PARD6G: variants seen among roughly 807,000 people sequenced by gnomAD.
PARD6G encodes the protein par-6 family cell polarity regulator gamma, also known as partitioning defective 6 homolog gamma.
PARD6G carries 7 observed loss-of-function variants against 10.7 expected under a neutral mutation model. That is an observed-to-expected ratio of 0.66 (90% CI 0.37 to 1.23). The LOEUF (loss-of-function observed/expected upper bound fraction) is 1.23. Ranked by LOEUF, PARD6G falls within the 50% of genes most tolerant of loss-of-function variation. PARD6G has a pLI of 0.02. For synonymous variants in PARD6G, 287 were observed against 269.4 expected, an observed-to-expected ratio of 1.07 and a Z score of -0.64; for missense variants, 548 against 571.8, an observed-to-expected ratio of 0.96 and a Z score of 0.42.
rs1489335266 is a variant in PARD6G at position 80,198,132 on chromosome 18, G to A, written c.295+4578C>T. On this transcript the variant is annotated intron_variant, in intron 2 of 2. Transcript: ENST00000353265. ...AATGCCATGTAGTCGTTGAGAGAAC[G>A]TCCGGAGAGAACGTCCGGATCATCC... Among the ~76,000 whole-genome samples the A allele has an allele frequency of 2.6e-5, 4 of 152,164 alleles. No homozygotes were observed. In the East Asian group the frequency reaches 5.8e-4, roughly 22 times the overall value.
At position 80,159,497 on chromosome 18, in the gene PARD6G, CACTT is replaced by C. The variant is rs1430909370; in HGVS notation, c.*270_*273del. On this transcript the variant is annotated 3_prime_UTR_variant, in exon 3 of 3. Transcript: ENST00000353265. Reference sequence around the variant, plus strand: ...AAAAATTTTAAAAAGCATTTTTTTGCACTTGGTCAGATCTTTTCTATCACTTTGC... The same window carrying C: ...AAAAATTTTAAAAAGCATTTTTTTGCGGTCAGATCTTTTCTATCACTTTGC... 2.7e-6 allele frequency: 1 copy of C among 377,052 alleles called. No individual in the cohort carries two copies. Among genetic ancestry groups the C allele is most frequent in the African/African-American group, 2.1e-5 (1 of 47,666 alleles). The allele number at this position is 377,052 out of a possible 1,614,324, so 23.4% of individuals were successfully genotyped here. A position where few individuals can be genotyped will look rare whatever the true frequency, so the allele number is the denominator to read the frequency against.
intron 2 of PARD6G, among the ~76,000 whole-genome samples, chr18:80,187,112 A>G (rs537416604): frequency 8.4e-4 from 127 of 151,792 alleles, no homozygotes; most frequent in Middle Eastern, 6.8e-3. Context: ...AAAAAAAAAA[A>G]AGAGAAATCA....
intron 1 of PARD6G, among the ~76,000 whole-genome samples, chr18:80,232,139 C>A (rs1272656527): frequency 1.6e-4 from 24 of 152,136 alleles, no homozygotes; most frequent in Admixed American, 1.6e-3. Context: ...GAGCCAGCAG[C>A]TCTGGGTGGA....
In PARD6G at chr18:80,201,125, C is replaced by A. The variant is rs1270930854; in HGVS notation, c.295+1585G>T. On this transcript the variant is annotated intron_variant, in intron 2 of 2. Coordinates refer to ENST00000353265, the MANE Select transcript of PARD6G (RefSeq NM_032510.4). This position sits in a 1 kb window ranked among gnomAD's most constrained non-coding sequence, Gnocchi z 5.9. The stretch of plus-strand genomic sequence containing the variant: ...GGTCGGGTGGAGACAGACGGCAAAC[C>A]AGCTCTGGGAGCAATGGACAGAGCC... Among the ~76,000 whole-genome samples the A allele has an allele frequency of 6.6e-6, 1 of 152,128 alleles. No homozygotes were observed. The highest frequency in any genetic ancestry group is 1.5e-5 in the Non-Finnish European group (1 of 68,024).
At position 80,160,411 on chromosome 18, in the gene PARD6G, T is replaced by G. The variant is rs1405392359; in HGVS notation, c.491A>C (p.His164Pro). 1.3e-6 allele frequency: 2 copies of G among 1,599,082 alleles called. No homozygotes were observed. Among genetic ancestry groups the G allele is most frequent in the Non-Finnish European group, 1.7e-6 (2 of 1,173,404 alleles). Reference protein sequence around the residue: ...ETHRRVRLHRHGCEKPLGFYI... With the variant: ...ETHRRVRLHRPGCEKPLGFYI... The stretch of plus-strand genomic sequence containing the variant: ...GAAGCCCAGCGGCTTCTCGCAGCCG[T>G]GCCGGTGCAGCCGCACTCGCCGGTG... The change falls in exon 3 of 3, where the codon CAC becomes CCC. Residue 164 changes from histidine (H) to proline (P), a missense_variant. By Grantham distance (77) the His-to-Pro change is moderately conservative. This residue lies in a region of PARD6G where 235 missense variants were observed against 291.9 expected (regional missense o/e 0.81). Coordinates refer to ENST00000353265, the MANE Select transcript of PARD6G (RefSeq NM_032510.4).
At chr18:80,218,498 C>A (rs984993275) in intron 1 of PARD6G, among the ~76,000 whole-genome samples, 6 of 152,312 alleles carry the variant, frequency 3.9e-5, no homozygotes, top group Non-Finnish European at 2.9e-5. Flanking sequence ...GAGGTAGGCT[C>A]CCATGGCCTT....
At position 80,221,838 on chromosome 18, in the gene PARD6G, T is replaced by A. The variant is rs1004596662; in HGVS notation, c.73-18906A>T. On this transcript the variant is annotated intron_variant, in intron 1 of 2. Coordinates refer to ENST00000353265, the MANE Select transcript of PARD6G (RefSeq NM_032510.4). ...AACCTTATTAGAGTTAATAAATGAATTCAGCATGATTTTAGTATACAATAT... is the reference window on the plus strand; with the variant it reads ...AACCTTATTAGAGTTAATAAATGAAATCAGCATGATTTTAGTATACAATAT... Among the ~76,000 whole-genome samples the A allele has an allele frequency of 7.9e-5, 12 of 152,232 alleles. 1 individual carries two copies. Among genetic ancestry groups the A allele is most frequent in the Admixed American group, 7.2e-4 (11 of 15,290 alleles).
intron 1 of PARD6G, among the ~76,000 whole-genome samples, chr18:80,244,917 C>T (rs916902093): frequency 6.6e-5 from 10 of 152,096 alleles, no homozygotes; most frequent in Non-Finnish European, 1.3e-4. Context: ...CCACACGGAC[C>T]CTCTGGACAA....
Position 80,200,763 on chromosome 18 carries a change from G to A in PARD6G, c.295+1947C>T, listed in dbSNP as rs539803681. On this transcript the variant is annotated intron_variant, in intron 2 of 2. Transcript: ENST00000353265. The surrounding 1 kb of genome is among the most constrained non-coding windows in gnomAD (Gnocchi z 4.4). ...CCAGCAAGCTGGAAAGAGGCAGAGT[G>A]TCCGAGCTGCTGCTGGAGGTTAGCA... 3.9e-5 allele frequency among the ~76,000 whole-genome samples: 6 copies of A among 152,312 alleles called. No homozygotes were observed. The East Asian group carries it at 9.7e-4, about 25-fold the overall frequency.
intron 1 of PARD6G, among the ~76,000 whole-genome samples, chr18:80,244,836 G>T (rs1354681343): frequency 6.6e-6 from 1 of 152,158 alleles, no homozygotes; most frequent in African/African-American, 2.4e-5. Context: ...GCTCCCTATG[G>T]AGATAGATGC....
chr18:80,166,178 C>T (rs986792805), intron 2 of PARD6G, among the ~76,000 whole-genome samples: 1 of 152,002 alleles, frequency 6.6e-6, no homozygotes. Context: ...TGTATTTTTC[C>T]TTCTGAGATG....
chr18:80,179,266 G>C (rs2052835032), intron 2 of PARD6G, among the ~76,000 whole-genome samples: 2 of 147,634 alleles, frequency 1.4e-5, no homozygotes. Context: ...GTTTTTCCTT[G>C]GTAAACCCCC....
At position 80,181,538 on chromosome 18, in the gene PARD6G, G is replaced by C. The variant is rs369223751; in HGVS notation, c.296-20932C>G. Among the ~76,000 whole-genome samples the C allele has an allele frequency of 1.1e-4, 17 of 152,254 alleles. No individual in the cohort carries two copies. Among genetic ancestry groups the C allele is most frequent in the African/African-American group, 4.1e-4 (17 of 41,538 alleles). On this transcript the variant is annotated intron_variant, in intron 2 of 2. Coordinates refer to ENST00000353265, the MANE Select transcript of PARD6G (RefSeq NM_032510.4). This position sits in a 1 kb window ranked among gnomAD's most constrained non-coding sequence, Gnocchi z 7.9. ...AGGGAGGGAGCAACCCTACATCTCT[G>C]CTTCCAAAGTCCGGTAGGTGTGCCC...
rs139300088 is a variant in PARD6G at position 80,188,718 on chromosome 18, G to A, written c.295+13992C>T. Among the ~76,000 whole-genome samples the A allele has an allele frequency of 8.5e-5, 13 of 152,274 alleles. No homozygotes were observed. The highest frequency in any genetic ancestry group is 2.6e-4 in the African/African-American group (11 of 41,556). On this transcript the variant is annotated intron_variant, in intron 2 of 2. Transcript: ENST00000353265. This position sits in a 1 kb window ranked among gnomAD's most constrained non-coding sequence, Gnocchi z 5.4. ...GGGCAGAGTTCACACGGCTTCTCAG[G>A]GGCCTGCATCTCAGAAGATGGGCAG...
At chr18:80,195,157 A>T (rs1294650886) in intron 2 of PARD6G, among the ~76,000 whole-genome samples, 4 of 152,134 alleles carry the variant, frequency 2.6e-5, no homozygotes, top group Non-Finnish European at 5.9e-5. Context: ...AAATGTGTTA[A>T]TCATCACACA....
intron 2 of PARD6G, among the ~76,000 whole-genome samples, chr18:80,176,571 T>C (rs575171454): frequency 6.6e-6 from 1 of 152,114 alleles, no homozygotes; most frequent in African/African-American, 2.4e-5. Context: ...ACAGTTAATG[T>C]TGGCCAGGGT....
At position 80,231,515 on chromosome 18, in the gene PARD6G, G is replaced by A. The variant is rs1967357208; in HGVS notation, c.72+15762C>T. ...TACAGACAGACAACATAGCAAAGCT[G>A]CAAAGAGCCAGGCTCTGAGTGGACA... On this transcript the variant is annotated intron_variant, in intron 1 of 2. Coordinates refer to ENST00000353265, the MANE Select transcript of PARD6G (RefSeq NM_032510.4). This position sits in a 1 kb window ranked among gnomAD's most constrained non-coding sequence, Gnocchi z 4.2. 6.6e-6 allele frequency among the ~76,000 whole-genome samples: 1 copy of A among 152,168 alleles called. No homozygotes were observed. Among genetic ancestry groups the A allele is most frequent in the Admixed American group, 6.5e-5 (1 of 15,276 alleles).
At chr18:80,206,053 T>C in intron 1 of PARD6G, among the ~76,000 whole-genome samples, 1 of 152,256 alleles carries the variant, frequency 6.6e-6, no homozygotes, top group East Asian at 1.9e-4. Context: ...GTCTTAACTT[T>C]ATTTAGCAAC....
intron 1 of PARD6G, among the ~76,000 whole-genome samples, chr18:80,218,654 C>T (rs746938376): frequency 1.7e-4 from 26 of 152,160 alleles, no homozygotes; most frequent in Non-Finnish European, 3.7e-4. Flanking sequence ...GGATAGTGGC[C>T]CTCTTATCAC....
Sources: allele counts gnomAD v4.1 joint callset (sites outside exome capture counted in the v4.1 genomes callset), GRCh38; gene constraint gnomAD v4.1.1; regional missense constraint gnomAD v4.1.1; non-coding constraint Gnocchi (gnomAD v3.1); transcripts MANE v1.5; gene names NCBI Gene and HGNC (gene_info 2026-07-23, HGNC 2026-07-21).